Variants in PCDHGA2 observed in about 807,000 individuals in gnomAD.
PCDHGA2 encodes protocadherin gamma-A2.
PCDHGA2 carries 40 observed loss-of-function variants against 59.2 expected under a neutral mutation model. The ratio of observed to expected loss-of-function variants is 0.68; its 90% CI spans 0.52 to 0.88. The LOEUF (loss-of-function observed/expected upper bound fraction) is 0.88. Ranked by LOEUF, PCDHGA2 falls within the 40% of genes least tolerant of loss-of-function variation. The probability of loss-of-function intolerance (pLI) is 0.00; values close to 1 mark genes in which losing one functional copy is unlikely to be tolerated. For missense variants in PCDHGA2, 1,226 were observed against 1,204.0 expected, an observed-to-expected ratio of 1.02 and a Z score of -0.27; for synonymous variants, 560 against 526.0, an observed-to-expected ratio of 1.06 and a Z score of -0.89.
At chr5:141,382,924 G>A in intron 1 of PCDHGA2, 1 of 1,568,666 alleles carries the variant, frequency 6.4e-7, no homozygotes, top group Non-Finnish European at 8.7e-7. Flanking sequence ...GAGGGGCGGG[G>A]ACTACAGAGG....
chr5:141,405,195 C>T, intron 1 of PCDHGA2: 1 of 1,613,786 alleles, frequency 6.2e-7, no homozygotes. Context: ...GGGGTTCGAG[C>T]TTTCCTACAG....
rs779535322 is a variant in PCDHGA2 at position 141,398,516 on chromosome 5, C to A, written c.2424+57121C>A. ...GAGATCGAGGACATTAATGACCACACGCCAAAATTCACGCAAAATTCCTTT... is the reference window on the plus strand; with the variant it reads ...GAGATCGAGGACATTAATGACCACAAGCCAAAATTCACGCAAAATTCCTTT... On this transcript the variant is annotated intron_variant, in intron 1 of 3. Coordinates refer to ENST00000394576, the MANE Select transcript of PCDHGA2 (RefSeq NM_018915.4). The A allele has an allele frequency of 1.9e-6, 3 of 1,598,584 alleles. No individual in the cohort carries two copies. The South Asian group carries it at 3.3e-5, about 18-fold the overall frequency.
chr5:141,408,728 C>A lies in PCDHGA2; in HGVS notation c.2424+67333C>A, dbSNP rs371316574. 3.7e-6 allele frequency: 6 copies of A among 1,610,174 alleles called. No individual in the cohort carries two copies. In the African/African-American group the frequency reaches 8.0e-5, roughly 22 times the overall value. ...TAAAGATTATAAGATAAACTCTAATCCTTATTTTTCATTAATGGTTAGAGT... is the reference window on the plus strand; with the variant it reads ...TAAAGATTATAAGATAAACTCTAATACTTATTTTTCATTAATGGTTAGAGT... On this transcript the variant is annotated intron_variant, in intron 1 of 3. Transcript: ENST00000394576.
intron 1 of PCDHGA2, chr5:141,394,424 C>G (rs781695042): frequency 6.2e-7 from 1 of 1,614,222 alleles, no homozygotes; most frequent in East Asian, 2.2e-5. Flanking sequence ...CCAGCGACAG[C>G]GGGGACCCGC....
intron 1 of PCDHGA2, among the ~76,000 whole-genome samples, chr5:141,482,238 A>G (rs560354311): frequency 8.5e-5 from 13 of 152,304 alleles, no homozygotes; most frequent in African/African-American, 2.9e-4. Context: ...TTGCCAATAT[A>G]AGTATAGTAC....
intron 1 of PCDHGA2, chr5:141,419,732 G>A (rs2096422854): frequency 6.2e-7 from 1 of 1,613,792 alleles, no homozygotes; most frequent in Non-Finnish European, 8.5e-7. Flanking sequence ...GCGAACAGGC[G>A]AGGTGCGCAT....
chr5:141,409,948 A>G, intron 1 of PCDHGA2: 1 of 1,613,348 alleles, frequency 6.2e-7, no homozygotes, highest in South Asian at 1.1e-5. Context: ...CTCGCTCTGC[A>G]GAGCCCGGCT....
Position 141,352,282 on chromosome 5 carries a change from C to T in PCDHGA2, c.2424+10887C>T, listed in dbSNP as rs1249351174. The T allele has an allele frequency of 5.0e-6, 8 of 1,614,084 alleles. No homozygotes were observed. In the Admixed American group the frequency reaches 1.2e-4, roughly 24 times the overall value. On this transcript the variant is annotated intron_variant, in intron 1 of 3. Transcript: ENST00000394576. ...AGGTATTGCCAGACCTCAGCGACCG[C>T]CCTGAGCCCTCTGACCCCCAGACGG... is the stretch of plus-strand genomic sequence containing the variant.
chr5:141,422,790 C>G, intron 1 of PCDHGA2: 1 of 1,614,060 alleles, frequency 6.2e-7, no homozygotes, highest in South Asian at 1.1e-5. Context: ...TACAATCCTT[C>G]GACTATGAGC....
chr5:141,448,834 A>G (rs910945659), intron 1 of PCDHGA2, among the ~76,000 whole-genome samples: 2 of 151,780 alleles, frequency 1.3e-5, no homozygotes, highest in African/African-American at 4.8e-5. Context: ...AGTCCCAGCT[A>G]CTCTGGAGGC....
At chr5:141,502,946 C>T (rs900624216) in intron 2 of PCDHGA2, among the ~76,000 whole-genome samples, 13 of 145,572 alleles carry the variant, frequency 8.9e-5, no homozygotes, top group African/African-American at 2.6e-4. Flanking sequence ...TGGGTTCAAG[C>T]GATTCTCCTG....
In PCDHGA2 at chr5:141,488,435, C is replaced by T. The variant is rs111661764; in HGVS notation, c.2425-6372C>T. Among the ~76,000 whole-genome samples, 87 of 152,276 alleles carry T rather than the reference C, an allele frequency of 5.7e-4. 1 individual carries two copies. The highest frequency in any genetic ancestry group is 1.6e-3 in the African/African-American group (67 of 41,546). On this transcript the variant is annotated intron_variant, in intron 1 of 3. Transcript: ENST00000394576. ...AAGCCATCCATGCTTGGCCTCTGAC[C>T]ACCCTCCTGGGTGACCTGATTCAGC...
At chr5:141,380,434 T>A (rs919623948) in intron 1 of PCDHGA2, among the ~76,000 whole-genome samples, 38 of 152,208 alleles carry the variant, frequency 2.5e-4, no homozygotes, top group African/African-American at 8.7e-4. Flanking sequence ...AGACTTTACA[T>A]AGAATTCTTT....
intron 1 of PCDHGA2, chr5:141,345,515 C>T: frequency 6.2e-7 from 1 of 1,614,144 alleles, no homozygotes; most frequent in Non-Finnish European, 8.5e-7. Flanking sequence ...TGACCGAGGA[C>T]ACTCTCCAGG....
chr5:141,463,975 C>T lies in PCDHGA2; in HGVS notation c.2425-30832C>T, dbSNP rs145316182. Among the ~76,000 whole-genome samples the T allele has an allele frequency of 1.3e-3, 204 of 151,992 alleles. 1 individual carries two copies. Among genetic ancestry groups the T allele is most frequent in the African/African-American group, 4.8e-3 (198 of 41,474 alleles). The stretch of plus-strand genomic sequence containing the variant: ...TTTTTAAAATAGCTTCATAAAACTC[C>T]ATTGTAAAAACCAGGTGCAGTGGCT... On this transcript the variant is annotated intron_variant, in intron 1 of 3. Transcript: ENST00000394576.
chr5:141,346,205 G>A (rs1757712642), intron 1 of PCDHGA2: 1 of 1,614,138 alleles, frequency 6.2e-7, no homozygotes. Flanking sequence ...AGTCACGCCT[G>A]CTGCAGGCTT....
chr5:141,489,625 A>G lies in PCDHGA2; in HGVS notation c.2425-5182A>G. ...GGTAGAGATCCTGGATCTCAATGAC[A>G]ACTCTCCTAGCTTTGCCACCCCTGA... On this transcript the variant is annotated intron_variant, in intron 1 of 3. Transcript: ENST00000394576. The surrounding 1 kb of genome is among the most constrained non-coding windows in gnomAD (Gnocchi z 4.5). 6.2e-7 allele frequency: 1 copy of G among 1,614,076 alleles called. No homozygotes were observed. The highest frequency in any genetic ancestry group is 8.5e-7 in the Non-Finnish European group (1 of 1,180,006).
intron 1 of PCDHGA2, chr5:141,423,287 C>T: frequency 6.3e-7 from 1 of 1,586,406 alleles, no homozygotes; most frequent in South Asian, 1.1e-5. Flanking sequence ...AACTCTGAAA[C>T]CTCAGACCTC....
chr5:141,439,310 A>G lies in PCDHGA2; in HGVS notation c.2425-55497A>G, dbSNP rs775009481. ...TCCATGGAAAAAGTAAAGCCCAGGCATGGAAGTGGGAATGGAAAGAAAGAT... is the reference window on the plus strand; with the variant it reads ...TCCATGGAAAAAGTAAAGCCCAGGCGTGGAAGTGGGAATGGAAAGAAAGAT... On this transcript the variant is annotated intron_variant, in intron 1 of 3. Transcript: ENST00000394576. 1.6e-4 allele frequency among the ~76,000 whole-genome samples: 24 copies of G among 152,320 alleles called. No homozygotes were observed. In the South Asian group the frequency reaches 4.1e-3, roughly 26 times the overall value.
Sources: allele counts gnomAD v4.1 joint callset (sites outside exome capture counted in the v4.1 genomes callset), GRCh38; gene constraint gnomAD v4.1.1; non-coding constraint Gnocchi (gnomAD v3.1); transcripts MANE v1.5; gene names NCBI Gene and HGNC (gene_info 2026-07-23, HGNC 2026-07-21).